The following TCF4 variants were observed in gnomAD, a reference collection of about 807,000 sequenced individuals.
The protein encoded by TCF4 is SL3-3 enhancer factor 2.
In TCF4, 3 loss-of-function variants were observed where a neutral mutation model predicts 82.1. That is an observed-to-expected ratio of 0.04 (90% CI 0.02 to 0.09). The LOEUF (loss-of-function observed/expected upper bound fraction) is 0.09, where lower values mean the gene tolerates loss of function less well. Among genes scored for constraint, TCF4 ranks in the 10% least tolerant of loss-of-function variants. The pLI, the probability that TCF4 is intolerant of heterozygous loss-of-function variation, is 1.00. For missense variants in TCF4, 518 were observed against 852.7 expected (o/e 0.61, Z 4.89); for synonymous variants, 276 against 309.6 (o/e 0.89, Z 1.14).
intron 15 of TCF4, among the ~76,000 whole-genome samples, chr18:55,251,441 G>T (rs2055062585): frequency 6.6e-6 from 1 of 152,130 alleles, no homozygotes; most frequent in Non-Finnish European, 1.5e-5. Flanking sequence ...GCAATTAAAT[G>T]AGATAACATA....
At chr18:55,579,388 T>C (rs937844857) in intron 3 of TCF4, among the ~76,000 whole-genome samples, 8 of 151,844 alleles carry the variant, frequency 5.3e-5, no homozygotes, top group Middle Eastern at 3.4e-3. Context: ...CATTTTCTAA[T>C]ACTTAGCACT....
rs28649202 is a variant in TCF4 at position 55,292,668 on chromosome 18, G to T, written c.550-13012C>A. 9.9e-3 allele frequency among the ~76,000 whole-genome samples: 1,495 copies of T among 151,194 alleles called. 18 individuals are homozygous for T. The highest frequency in any genetic ancestry group is 0.037 in the Middle Eastern group (11 of 294). ...TAGGAAATATTAGGTCCTCTGTTTG[G>T]AACTTCCTAATCTATAAATAGACAT... On this transcript the variant is annotated intron_variant, in intron 8 of 19. Transcript: ENST00000354452.
At chr18:55,277,044 A>G (rs1304786760) in intron 9 of TCF4, among the ~76,000 whole-genome samples, 1 of 152,194 alleles carries the variant, frequency 6.6e-6, no homozygotes, top group Admixed American at 6.5e-5. Flanking sequence ...AAGAGGCCAC[A>G]GTAGTGAGTT....
At chr18:55,393,193 G>C (rs769712567) in intron 6 of TCF4, among the ~76,000 whole-genome samples, 4 of 152,070 alleles carry the variant, frequency 2.6e-5, no homozygotes, top group Non-Finnish European at 5.9e-5. Flanking sequence ...GTGAGACCCT[G>C]GCTCTACAAA....
At chr18:55,422,919 G>A (rs1043223421) in intron 5 of TCF4, among the ~76,000 whole-genome samples, 1 of 151,636 alleles carries the variant, frequency 6.6e-6, no homozygotes, top group Non-Finnish European at 1.5e-5. Flanking sequence ...GCCAGGAGCC[G>A]ATCAGCATTT....
chr18:55,469,449 G>A (rs952263223), intron 3 of TCF4: 1 of 152,066 alleles, frequency 6.6e-6, no homozygotes, highest in South Asian at 2.1e-4. Flanking sequence ...GGGTGACAGA[G>A]CGAGACTGTC....
intron 3 of TCF4, among the ~76,000 whole-genome samples, chr18:55,571,638 C>CT (rs2097469274): frequency 6.6e-6 from 1 of 151,886 alleles, no homozygotes. Flanking sequence ...TTGAAGCATG[C>CT]AGTAGCAGCC....
At chr18:55,433,036 T>TA (rs1372837700) in intron 5 of TCF4, among the ~76,000 whole-genome samples, 5 of 152,282 alleles carry the variant, frequency 3.3e-5, no homozygotes, top group East Asian at 3.9e-4. Context: ...TTTAAAAAAG[T>TA]AAAAAAAGTG....
chr18:55,258,190 T>C (rs2057297677), intron 13 of TCF4, among the ~76,000 whole-genome samples: 1 of 152,216 alleles, frequency 6.6e-6, no homozygotes, highest in Non-Finnish European at 1.5e-5. Flanking sequence ...TGTGCATGTA[T>C]ATTTTTATGC....
chr18:55,406,808 G>C (rs965248469), intron 5 of TCF4, among the ~76,000 whole-genome samples: 1 of 152,154 alleles, frequency 6.6e-6, no homozygotes, highest in Non-Finnish European at 1.5e-5. Flanking sequence ...ATATTTAAAA[G>C]AGATAGCAGT....
chr18:55,234,173 C>T (rs1396383979), intron 16 of TCF4, among the ~76,000 whole-genome samples: 1 of 152,114 alleles, frequency 6.6e-6, no homozygotes, highest in African/African-American at 2.4e-5. Flanking sequence ...CCATCTTAAA[C>T]AACAAAAACA....
At chr18:55,586,172 AG>A in intron 2 of TCF4, 1 of 437,610 alleles carries the variant, frequency 2.3e-6, no homozygotes, top group Non-Finnish European at 3.1e-6. Flanking sequence ...CAGCAGCAGC[AG>A]CAGCAGCAGC....
intron 3 of TCF4, among the ~76,000 whole-genome samples, chr18:55,510,348 A>T (rs191037372): frequency 6.6e-6 from 1 of 152,296 alleles, no homozygotes; most frequent in African/African-American, 2.4e-5. Flanking sequence ...GTTAGAGCTT[A>T]AAAAAGCAGA....
intron 3 of TCF4, among the ~76,000 whole-genome samples, chr18:55,565,182 T>C (rs1247841476): frequency 6.6e-6 from 1 of 152,026 alleles, no homozygotes; most frequent in Non-Finnish European, 1.5e-5. Flanking sequence ...ACTAGTTTCA[T>C]TGGAATAAAT....
intron 8 of TCF4, among the ~76,000 whole-genome samples, chr18:55,304,667 C>T (rs2069591693): frequency 6.6e-6 from 1 of 152,106 alleles, no homozygotes; most frequent in South Asian, 2.1e-4. Context: ...TTTTGGGGCA[C>T]ATTTCATTAT....
chr18:55,321,772 C>CT lies in TCF4; in HGVS notation c.549+28586dup, dbSNP rs2075554123. The CT allele has an allele frequency of 4.6e-6, 7 of 1,516,766 alleles. No homozygotes were observed. In the South Asian group the frequency reaches 8.5e-5, roughly 18 times the overall value. 94.0% of individuals were successfully genotyped at this position (1,516,766 alleles called of 1,614,324 possible). ...ATTCTTTTTTCTCCTCAGTACCACT[C>CT]TAACAACTTTTATTTCAAACTCGCT... On this transcript the variant is annotated intron_variant, in intron 8 of 19. Coordinates refer to ENST00000354452, the MANE Select transcript of TCF4 (RefSeq NM_001083962.2).
intron 8 of TCF4, among the ~76,000 whole-genome samples, chr18:55,296,449 G>A (rs186809145): frequency 6.0e-4 from 91 of 152,298 alleles, no homozygotes; most frequent in African/African-American, 2.1e-3. Context: ...GCAGAGCTCA[G>A]GGATAAAAAT....
intron 3 of TCF4, among the ~76,000 whole-genome samples, chr18:55,559,600 C>G (rs1156560633): frequency 1.3e-5 from 2 of 149,718 alleles, no homozygotes; most frequent in East Asian, 2.0e-4. Flanking sequence ...TTACTTGTAG[C>G]TGTCAAAAAT....
At chr18:55,561,594 G>T (rs901284888) in intron 3 of TCF4, among the ~76,000 whole-genome samples, 3 of 152,058 alleles carry the variant, frequency 2.0e-5, no homozygotes, top group African/African-American at 7.2e-5. Context: ...ACCCATCCTG[G>T]TTCCATAAAG....
Sources: allele counts gnomAD v4.1 joint callset (sites outside exome capture counted in the v4.1 genomes callset), GRCh38; gene constraint gnomAD v4.1.1; transcripts MANE v1.5; gene names NCBI Gene and HGNC (gene_info 2026-07-23, HGNC 2026-07-21).